Variants in SEC24B observed in about 807,000 individuals in gnomAD.
The protein encoded by SEC24B is SEC24 homolog B, COPII component, also known as protein transport protein Sec24B.
A neutral mutation model predicts 142.8 loss-of-function variants in SEC24B; 45 were observed. The observed-to-expected ratio is 0.32, with a 90% CI of 0.25 to 0.40. The LOEUF (loss-of-function observed/expected upper bound fraction) is 0.40, where lower values mean the gene tolerates loss of function less well. Ranked by LOEUF, SEC24B falls within the 10% of genes least tolerant of loss-of-function variation. The pLI is 1.00. For synonymous variants in SEC24B, 574 were observed against 568.2 expected (o/e 1.01, Z -0.15); for missense variants, 1,409 against 1,526.8 (o/e 0.92, Z 1.29).
intron 18 of SEC24B, among the ~76,000 whole-genome samples, chr4:109,527,834 G>A (rs1407217654): frequency 2.0e-5 from 3 of 151,544 alleles, no homozygotes; most frequent in Non-Finnish European, 4.4e-5. Context: ...TATTTAAAAA[G>A]CATATGTTTT....
At chr4:109,538,713 T>C in intron 23 of SEC24B, 117 bp downstream of exon 23, 1 of 623,826 alleles carries the variant, frequency 1.6e-6, no homozygotes, top group Non-Finnish European at 2.9e-6. Context: ...TAAAATGTTG[T>C]TACTTGATTT....
chr4:109,472,183 GACAC>G (rs746906321), intron 2 of SEC24B, among the ~76,000 whole-genome samples: 1 of 152,048 alleles, frequency 6.6e-6, no homozygotes, highest in African/African-American at 2.4e-5. Flanking sequence ...ACTATACATA[GACAC>G]ACATACATAC....
intron 1 of SEC24B, among the ~76,000 whole-genome samples, chr4:109,441,001 A>G (rs1431825857): frequency 6.6e-6 from 1 of 152,166 alleles, no homozygotes; most frequent in East Asian, 1.9e-4. Context: ...TTCTGGTAAT[A>G]GGCCATCTAT....
intron 6 of SEC24B, among the ~76,000 whole-genome samples, chr4:109,502,954 T>C (rs1736303029): frequency 6.6e-6 from 1 of 152,204 alleles, no homozygotes; most frequent in Non-Finnish European, 1.5e-5. Context: ...GTTTGTGTAT[T>C]GTAATTTTCT....
chr4:109,512,126 G>A, intron 9 of SEC24B, 43 bp downstream of exon 9: 13 of 1,316,116 alleles, frequency 9.9e-6, no homozygotes, highest in Non-Finnish European at 1.2e-5. Flanking sequence ...CTATTTTCAG[G>A]TTTTTTTTTT....
At chr4:109,531,032 C>T (rs993351633) in intron 19 of SEC24B, among the ~76,000 whole-genome samples, 1 of 151,968 alleles carries the variant, frequency 6.6e-6, no homozygotes, top group Non-Finnish European at 1.5e-5. Flanking sequence ...AGTCATAGCT[C>T]ACTCTTAATA....
At position 109,449,033 on chromosome 4, in the gene SEC24B, A is replaced by T. The variant is rs72672672; in HGVS notation, c.134-13868A>T. Among the ~76,000 whole-genome samples, 398 of 150,884 alleles carry T rather than the reference A, an allele frequency of 2.6e-3. 1 individual carries two copies. The highest frequency in any genetic ancestry group is 4.6e-3 in the Non-Finnish European group (313 of 67,804). ...TTGAGTTTGCTGATGCTTTCTCATGATTAGATTGTGTGTATGAATTTTTCG... is the reference window on the plus strand; with the variant it reads ...TTGAGTTTGCTGATGCTTTCTCATGTTTAGATTGTGTGTATGAATTTTTCG... On this transcript the variant is annotated intron_variant, in intron 1 of 23. Coordinates refer to ENST00000265175, the MANE Select transcript of SEC24B (RefSeq NM_006323.5).
intron 1 of SEC24B, chr4:109,451,089 A>G (rs1730033795): frequency 6.6e-6 from 1 of 152,100 alleles, no homozygotes; most frequent in South Asian, 2.1e-4. Context: ...TTCTAATGGT[A>G]ATTTCCTCTT....
chr4:109,483,794 T>C (rs1053667978), intron 4 of SEC24B, among the ~76,000 whole-genome samples: 2 of 152,244 alleles, frequency 1.3e-5, no homozygotes, highest in Non-Finnish European at 2.9e-5. Flanking sequence ...TGAAATTTTT[T>C]TTGTAATTTT....
At chr4:109,507,872 C>T (rs1425549981) in intron 7 of SEC24B, among the ~76,000 whole-genome samples, 12 of 151,980 alleles carry the variant, frequency 7.9e-5, no homozygotes, top group African/African-American at 2.2e-4. Context: ...CTCGAACTCC[C>T]GACCTCAGGT....
intron 20 of SEC24B, 146 bp from the exon 21 acceptor site, chr4:109,532,493 T>C: frequency 1.7e-6 from 1 of 603,118 alleles, no homozygotes; most frequent in Non-Finnish European, 3.0e-6. Flanking sequence ...ACAGCCAAGG[T>C]GGTAGCATAT....
At chr4:109,504,507 A>G (rs1262229813) in intron 6 of SEC24B, among the ~76,000 whole-genome samples, 4 of 152,140 alleles carry the variant, frequency 2.6e-5, no homozygotes, top group East Asian at 1.9e-4. Flanking sequence ...TCTTTGTGGT[A>G]TCATTTAACT....
At chr4:109,517,548 G>A (rs977424674) in intron 11 of SEC24B, among the ~76,000 whole-genome samples, 4 of 152,092 alleles carry the variant, frequency 2.6e-5, no homozygotes, top group African/African-American at 7.2e-5. Context: ...ATAGTTAATA[G>A]CAATATATTG....
intron 14 of SEC24B, 70 bp downstream of exon 14, chr4:109,521,696 A>G (rs1723631509): frequency 8.7e-7 from 1 of 1,155,742 alleles, no homozygotes; most frequent in Admixed American, 2.5e-5. Context: ...TTCATTAATA[A>G]TAAAATACTG....
chr4:109,465,334 G>A (rs1264653918), intron 2 of SEC24B, among the ~76,000 whole-genome samples: 2 of 152,242 alleles, frequency 1.3e-5, no homozygotes, highest in Admixed American at 6.5e-5. Context: ...AATCTCCAGG[G>A]TACTCTTGAG....
chr4:109,468,180 A>G (rs755198176), intron 2 of SEC24B, among the ~76,000 whole-genome samples: 6 of 152,236 alleles, frequency 3.9e-5, no homozygotes, highest in Non-Finnish European at 7.3e-5. Context: ...AGTGCAGTAC[A>G]AGAGACTATT....
intron 1 of SEC24B, among the ~76,000 whole-genome samples, chr4:109,452,840 AT>A (rs1443180881): frequency 2.6e-5 from 4 of 151,632 alleles, no homozygotes; most frequent in African/African-American, 9.7e-5. Context: ...TATTCTTTTA[AT>A]TTTCCTGAAC....
intron 1 of SEC24B, among the ~76,000 whole-genome samples, chr4:109,452,739 A>G (rs1015755186): frequency 1.3e-5 from 2 of 151,922 alleles, no homozygotes; most frequent in South Asian, 4.1e-4. Flanking sequence ...TGGGTTGTCT[A>G]TTTTTTTAGT....
At chr4:109,507,685 G>T (rs1386494352) in intron 7 of SEC24B, among the ~76,000 whole-genome samples, 4 of 148,824 alleles carry the variant, frequency 2.7e-5, no homozygotes, top group Non-Finnish European at 6.0e-5. Context: ...CGCTGTTGTT[G>T]CCCAGGCTGG....
Sources: allele counts gnomAD v4.1 joint callset (sites outside exome capture counted in the v4.1 genomes callset), GRCh38; gene constraint gnomAD v4.1.1; transcripts MANE v1.5; gene names NCBI Gene and HGNC (gene_info 2026-07-23, HGNC 2026-07-21).